Variants in MTOR observed in about 807,000 individuals in gnomAD.
MTOR encodes the protein serine/threonine-protein kinase mTOR.
A neutral mutation model predicts 319.8 loss-of-function variants in MTOR; 70 were observed. That is an observed-to-expected ratio of 0.22 (90% CI 0.18 to 0.27). The LOEUF is 0.27. MTOR is among the 10% of genes least tolerant of loss of function. The pLI is 1.00. For synonymous variants in MTOR, 1,183 were observed against 1,211.4 expected (o/e 0.98, Z 0.49); for missense variants, 1,890 against 3,274.4 (o/e 0.58, Z 10.32).
In MTOR at chr1:11,231,060, T is replaced by C. The variant is rs1157933989; in HGVS notation, c.2650-6A>G. The C allele has an allele frequency of 2.5e-6, 4 of 1,614,070 alleles. No homozygotes were observed. In the Admixed American group the frequency reaches 6.7e-5, roughly 27 times the overall value. On this transcript the variant is annotated splice_region_variant and splice_polypyrimidine_tract_variant and intron_variant, in intron 17 of 57. Coordinates refer to ENST00000361445, the MANE Select transcript of MTOR (RefSeq NM_004958.4). ...AGCCCTAACACACGGATGGCCTGCG[T>C]GGGAAAGGGGAGGGAAAAAAGAAAA...
At chr1:11,173,544 A>G (rs1002521720) in intron 28 of MTOR, among the ~76,000 whole-genome samples, 2 of 151,848 alleles carry the variant, frequency 1.3e-5, no homozygotes, top group East Asian at 1.9e-4. Context: ...CAGCCTCCCA[A>G]ATTGTTAGGA....
At chr1:11,161,969 G>A (rs1388035936) in intron 29 of MTOR, among the ~76,000 whole-genome samples, 1 of 152,156 alleles carries the variant, frequency 6.6e-6, no homozygotes, top group Non-Finnish European at 1.5e-5. Context: ...GAAGGCTTCA[G>A]ATGATCAAAC....
chr1:11,233,339 TAG>T, intron 15 of MTOR, 57 bp downstream of exon 15: 1 of 1,481,808 alleles, frequency 6.7e-7, no homozygotes. Flanking sequence ...TTGACTTCCT[TAG>T]AGGTTAGTTT....
chr1:11,124,443 T>C (rs1642714218), intron 47 of MTOR, 55 bp downstream of exon 47: 1 of 1,581,088 alleles, frequency 6.3e-7, no homozygotes, highest in Non-Finnish European at 8.7e-7. Flanking sequence ...GAGACAAATG[T>C]AGGAAAAAAC....
At chr1:11,192,881 A>AAATCATT (rs1645602354) in intron 28 of MTOR, among the ~76,000 whole-genome samples, 1 of 152,132 alleles carries the variant, frequency 6.6e-6, no homozygotes, top group African/African-American at 2.4e-5. Context: ...AATCATTATC[A>AAATCATT]GTCAAACAAC....
In MTOR at chr1:11,128,969, A is replaced by C; in HGVS notation, c.5715-18T>G. ...TGAGAACTCTGAAAAAGAAATGAGA[A>C]AGTCACAGAAAATTTAGTTTCCCAG... On this transcript the variant is annotated intron_variant, in intron 40 of 57. Transcript: ENST00000361445. This position sits in a 1 kb window ranked among gnomAD's most constrained non-coding sequence, Gnocchi z 5.3. The C allele has an allele frequency of 6.2e-7, 1 of 1,601,674 alleles. No homozygotes were observed. Among genetic ancestry groups the C allele is most frequent in the Non-Finnish European group, 8.5e-7 (1 of 1,171,516 alleles).
At chr1:11,156,115 C>T (rs1199573800) in intron 30 of MTOR, among the ~76,000 whole-genome samples, 2 of 152,144 alleles carry the variant, frequency 1.3e-5, no homozygotes, top group Non-Finnish European at 2.9e-5. Context: ...CTCAGCCTCC[C>T]GAGTAGCTGG....
intron 54 of MTOR, 102 bp downstream of exon 54, chr1:11,112,750 G>A (rs887114141): frequency 8.8e-5 from 108 of 1,224,174 alleles, no homozygotes; most frequent in Admixed American, 1.4e-4. Context: ...GAGAGCCTCT[G>A]TAACGTCCTG....
At chr1:11,261,843 A>C (rs931108374) in intron 1 of MTOR, among the ~76,000 whole-genome samples, 19 of 152,172 alleles carry the variant, frequency 1.2e-4, no homozygotes, top group African/African-American at 4.6e-4. Context: ...GGAAAGAACC[A>C]GTGTATCTTT....
rs1470215213 is a variant in MTOR, at chr1:11,126,812, A to G, written c.6352-16T>C. 2.5e-6 allele frequency: 4 copies of G among 1,611,976 alleles called. No individual in the cohort carries two copies. The Admixed American group carries it at 5.0e-5, about 20-fold the overall frequency. On this transcript the variant is annotated splice_polypyrimidine_tract_variant and intron_variant, in intron 45 of 57. Transcript: ENST00000361445. ...AGGATGTGAGCTGTAAATAATTACC[A>G]AAGGATTTAGTGTTCTGCCTCCAGG... is the stretch of plus-strand genomic sequence containing the variant.
At chr1:11,261,230 C>T (rs573977179) in intron 1 of MTOR, among the ~76,000 whole-genome samples, 40 of 151,426 alleles carry the variant, frequency 2.6e-4, no homozygotes, top group Non-Finnish European at 4.9e-4. Context: ...GTTTGGGAGG[C>T]CGAGGCGGGC....
Position 11,241,784 on chromosome 1 carries a change from C to A in MTOR, c.1413-103G>T, listed in dbSNP as rs2076656. ...AGGAGAGCAGGTTACTCAGGCAGGG[C>A]TACCACAGATGGGTATGCAAATTGT... On this transcript the variant is annotated intron_variant, in intron 9 of 57. Transcript: ENST00000361445. The A allele has an allele frequency of 0.035, 48,055 of 1,369,840 alleles. 1,465 individuals carry two copies. The highest frequency in any genetic ancestry group is 0.11 in the South Asian group (8,200 of 75,428). 84.9% of individuals were successfully genotyped at this position (1,369,840 alleles called of 1,614,324 possible). A position where few individuals can be genotyped will look rare whatever the true frequency, so the allele number is the denominator to read the frequency against.
intron 36 of MTOR, among the ~76,000 whole-genome samples, chr1:11,135,328 G>C (rs1344815173): frequency 2.0e-5 from 3 of 152,162 alleles, no homozygotes; most frequent in Non-Finnish European, 4.4e-5. Flanking sequence ...GGGCTTCAAG[G>C]ATGGAGATAG....
chr1:11,221,034 G>A (rs1005180311), intron 19 of MTOR, among the ~76,000 whole-genome samples: 2 of 150,750 alleles, frequency 1.3e-5, no homozygotes, highest in East Asian at 3.9e-4. Flanking sequence ...TTCCTCTGTC[G>A]CCCAGGCTGA....
chr1:11,195,730 C>T (rs993784437), intron 28 of MTOR: 1 of 152,532 alleles, frequency 6.6e-6, no homozygotes, highest in Non-Finnish European at 1.5e-5. Context: ...GATGCCGGCA[C>T]AAAACTGCCT....
At chr1:11,198,858 A>G (rs1645871891) in intron 28 of MTOR, among the ~76,000 whole-genome samples, 1 of 152,226 alleles carries the variant, frequency 6.6e-6, no homozygotes. Context: ...GATTTAGTTG[A>G]TAAAACCCCA....
chr1:11,261,414 G>A (rs912295940), intron 1 of MTOR, among the ~76,000 whole-genome samples: 2 of 151,890 alleles, frequency 1.3e-5, no homozygotes, highest in Admixed American at 6.6e-5. Context: ...GGAGCTTGCA[G>A]TGAGCAGAGA....
intron 14 of MTOR, 50 bp downstream of exon 14, chr1:11,234,093 G>C: frequency 6.2e-7 from 1 of 1,612,984 alleles, no homozygotes; most frequent in South Asian, 1.1e-5. Flanking sequence ...CTCCCCATAT[G>C]AGCTGATGAC....
chr1:11,181,749 G>T (rs141445669), intron 28 of MTOR, among the ~76,000 whole-genome samples: 2 of 152,242 alleles, frequency 1.3e-5, no homozygotes, highest in African/African-American at 4.8e-5. Context: ...ATATTTAGGG[G>T]GAAGAGAACC....
Sources: gnomAD v4.1 joint callset for allele counts (sites outside exome capture counted in the v4.1 genomes callset) on GRCh38, gnomAD v4.1.1 for gene constraint, Gnocchi (gnomAD v3.1) non-coding constraint, MANE v1.5 for transcripts, NCBI Gene and HGNC (gene_info 2026-07-23, HGNC 2026-07-21) for gene names.